The following VPS53 variants were observed in gnomAD, a reference collection of about 807,000 sequenced individuals.
VPS53 encodes vacuolar protein sorting-associated protein 53 homolog.
VPS53 carries 70 observed loss-of-function variants against 107.0 expected under a neutral mutation model. The ratio of observed to expected loss-of-function variants is 0.65; its 90% CI spans 0.54 to 0.80. The LOEUF (loss-of-function observed/expected upper bound fraction) is 0.80. Ranked by LOEUF, VPS53 falls within the 30% of genes least tolerant of loss-of-function variation. VPS53 has a pLI of 0.00. For synonymous variants in VPS53, 409 were observed against 393.3 expected (o/e 1.04, Z -0.47); for missense variants, 917 against 1,049.4 (o/e 0.87, Z 1.74).
At chr17:640,849 G>GT (rs1567699251) in intron 7 of VPS53, among the ~76,000 whole-genome samples, 1 of 151,926 alleles carries the variant, frequency 6.6e-6, no homozygotes, top group Non-Finnish European at 1.5e-5. Flanking sequence ...TCCAACAGCA[G>GT]TTTTTTTCTT....
chr17:647,334 T>C (rs1970750786), intron 7 of VPS53, among the ~76,000 whole-genome samples: 3 of 152,262 alleles, frequency 2.0e-5, no homozygotes, highest in Admixed American at 2.0e-4. Flanking sequence ...TTCTTCTCCA[T>C]ACAAAAATGG....
At chr17:598,024 CGAA>C (rs1968070066) in intron 12 of VPS53, among the ~76,000 whole-genome samples, 1 of 150,108 alleles carries the variant, frequency 6.7e-6, no homozygotes, top group Non-Finnish European at 1.5e-5. Flanking sequence ...CATGCTGAGC[CGAA>C]GCTGGACTGT....
intron 12 of VPS53, among the ~76,000 whole-genome samples, chr17:592,913 C>T (rs530953540): frequency 2.0e-5 from 3 of 152,230 alleles, no homozygotes; most frequent in Non-Finnish European, 4.4e-5. Flanking sequence ...CTCTGTATTT[C>T]CTGAATCTGA....
At chr17:674,192 A>T (rs1397383779) in intron 4 of VPS53, 1 of 152,212 alleles carries the variant, frequency 6.6e-6, no homozygotes, top group Non-Finnish European at 1.5e-5. Flanking sequence ...AAGGTAAAGA[A>T]ATTCAATATT....
chr17:633,230 T>C (rs1232006625), intron 7 of VPS53, among the ~76,000 whole-genome samples: 3 of 152,052 alleles, frequency 2.0e-5, no homozygotes, highest in African/African-American at 7.2e-5. Context: ...CGCCCCACAA[T>C]CGATCGCATG....
intron 7 of VPS53, among the ~76,000 whole-genome samples, chr17:652,729 T>C (rs906128205): frequency 1.3e-5 from 2 of 152,228 alleles, no homozygotes; most frequent in Non-Finnish European, 2.9e-5. Flanking sequence ...AAAACAATTA[T>C]TGTTTTAAGC....
At chr17:641,008 C>T (rs1390658447) in intron 7 of VPS53, among the ~76,000 whole-genome samples, 5 of 152,148 alleles carry the variant, frequency 3.3e-5, no homozygotes, top group Non-Finnish European at 4.4e-5. Flanking sequence ...GCGCCTGCCA[C>T]CACGCCTGGC....
chr17:710,244 G>C (rs993997356), intron 2 of VPS53, among the ~76,000 whole-genome samples: 9 of 152,140 alleles, frequency 5.9e-5, no homozygotes, highest in African/African-American at 1.7e-4. Flanking sequence ...ACCCCCACTT[G>C]TCCCTACTAC....
intron 4 of VPS53, among the ~76,000 whole-genome samples, chr17:669,036 T>C (rs1351825337): frequency 6.6e-6 from 1 of 152,182 alleles, no homozygotes; most frequent in African/African-American, 2.4e-5. Flanking sequence ...AAATGTACTA[T>C]AATTCATTTT....
chr17:574,727 T>C (rs1244585131), intron 13 of VPS53, among the ~76,000 whole-genome samples: 2 of 152,170 alleles, frequency 1.3e-5, no homozygotes, highest in African/African-American at 4.8e-5. Flanking sequence ...ATCACGCCTC[T>C]GTACTCCATC....
At chr17:557,667 TAAGAATGTATTAC>T (rs1243424234) in intron 15 of VPS53, among the ~76,000 whole-genome samples, 2 of 152,178 alleles carry the variant, frequency 1.3e-5, no homozygotes, top group African/African-American at 4.8e-5. Context: ...ATAAAGGTGC[TAAGAATGTATTAC>T]TTTTGTAATC....
At chr17:559,709 A>G (rs1912760573) in intron 15 of VPS53, among the ~76,000 whole-genome samples, 1 of 152,252 alleles carries the variant, frequency 6.6e-6, no homozygotes, top group Non-Finnish European at 1.5e-5. Flanking sequence ...GCATCTGTAA[A>G]TTATAAATAC....
chr17:672,290 T>C (rs1418215342), intron 4 of VPS53, among the ~76,000 whole-genome samples: 4 of 152,026 alleles, frequency 2.6e-5, no homozygotes, highest in Non-Finnish European at 5.9e-5. Flanking sequence ...TCACACTTGT[T>C]GAACTTCTTC....
chr17:578,785 G>A (rs937575528), intron 13 of VPS53, among the ~76,000 whole-genome samples: 12 of 149,426 alleles, frequency 8.0e-5, no homozygotes, highest in Admixed American at 1.3e-4. Context: ...AACCTAATGC[G>A]TTCCTAGAGA....
intron 4 of VPS53, among the ~76,000 whole-genome samples, chr17:688,106 C>T (rs1377339471): frequency 1.1e-4 from 16 of 152,134 alleles, no homozygotes; most frequent in Admixed American, 1.0e-3. Context: ...AAATATGCCG[C>T]AGACATGTCT....
intron 13 of VPS53, among the ~76,000 whole-genome samples, chr17:579,266 G>A (rs1477654735): frequency 7.1e-6 from 1 of 141,174 alleles, no homozygotes; most frequent in Non-Finnish European, 1.6e-5. Flanking sequence ...AGAACCTAAT[G>A]TATTCCTAGA....
intron 11 of VPS53, among the ~76,000 whole-genome samples, chr17:606,523 A>G (rs1279897360): frequency 6.6e-6 from 1 of 152,088 alleles, no homozygotes; most frequent in Admixed American, 6.5e-5. Context: ...TGAGCTACAC[A>G]GTCATGCACC....
At chr17:610,196 T>A (rs1968797231) in intron 11 of VPS53, among the ~76,000 whole-genome samples, 1 of 150,968 alleles carries the variant, frequency 6.6e-6, no homozygotes, top group Non-Finnish European at 1.5e-5. Flanking sequence ...TAGACAAAAA[T>A]ATTCATATAG....
At chr17:636,343 A>AC (rs1321271934) in intron 7 of VPS53, among the ~76,000 whole-genome samples, 1 of 152,224 alleles carries the variant, frequency 6.6e-6, no homozygotes, top group Non-Finnish European at 1.5e-5. Context: ...TTCTAAATAT[A>AC]CAATCATGTC....
Sources: gnomAD v4.1 joint callset for allele counts (sites outside exome capture counted in the v4.1 genomes callset) on GRCh38, gnomAD v4.1.1 for gene constraint, MANE v1.5 for transcripts, NCBI Gene and HGNC (gene_info 2026-07-23, HGNC 2026-07-21) for gene names.